The following NCBP3 variants were observed in gnomAD, a reference collection of about 807,000 sequenced individuals.
NCBP3 encodes the protein nuclear cap-binding protein subunit 3.
Under a neutral mutation model 75.7 loss-of-function variants are expected in NCBP3, and 20 were observed. The observed-to-expected ratio is 0.26, with a 90% confidence interval of 0.19 to 0.38. NCBP3 has a LOEUF of 0.38. Ranked by LOEUF, NCBP3 falls within the 10% of genes least tolerant of loss-of-function variation. NCBP3 has a pLI of 1.00. For missense variants in NCBP3, 678 were observed against 796.9 expected (o/e 0.85, Z 1.80); for synonymous variants, 293 against 290.5 (o/e 1.01, Z -0.09).
At chr17:3,829,191 C>T in intron 4 of NCBP3, 52 bp downstream of exon 4, 1 of 1,543,842 alleles carries the variant, frequency 6.5e-7, no homozygotes, top group Non-Finnish European at 8.8e-7. Flanking sequence ...GGCAAGAACT[C>T]TTGAAAAATC....
chr17:3,813,967 A>T (rs2053475897), intron 12 of NCBP3, among the ~76,000 whole-genome samples: 1 of 152,182 alleles, frequency 6.6e-6, no homozygotes, highest in East Asian at 1.9e-4. Flanking sequence ...GCCTGGCCTA[A>T]AAGTTTTATT....
rs574853527 is a variant in NCBP3, at chr17:3,837,921, G to A, written c.355+2179C>T. Among the ~76,000 whole-genome samples, 6 of 151,896 alleles carry A rather than the reference G, an allele frequency of 4.0e-5. No homozygotes were observed. In the South Asian group the frequency reaches 6.2e-4, roughly 16 times the overall value. ...CAAGCTTCCCCAGCTGACATCCCACGGCCGACCTTACTGCCTTTTTTAGGA... is the reference window on the plus strand; with the variant it reads ...CAAGCTTCCCCAGCTGACATCCCACAGCCGACCTTACTGCCTTTTTTAGGA... On this transcript the variant is annotated intron_variant, in intron 3 of 12. Transcript: ENST00000389005.
rs556677261 is a variant in NCBP3 at position 3,821,914 on chromosome 17, A to C, written c.896+39T>G. On this transcript the variant is annotated intron_variant, in intron 8 of 12. Transcript: ENST00000389005. ...GGAATACCAACTGAAGGATTAAGAA[A>C]AACTCAAATACTATTGCATTTGAAG... 24 of 1,352,432 alleles carry C rather than the reference A, an allele frequency of 1.8e-5. No homozygotes were observed. In the East Asian group the frequency reaches 5.3e-4, roughly 30 times the overall value. The allele number at this position is 1,352,432 out of a possible 1,614,324, so 83.8% of individuals were successfully genotyped here. A position where few individuals can be genotyped will look rare whatever the true frequency, so the allele number is the denominator to read the frequency against.
Position 3,813,039 on chromosome 17 carries a change from G to A in NCBP3, c.*5C>T, listed in dbSNP as rs778338110. 2 of 1,614,094 alleles carry A rather than the reference G, an allele frequency of 1.2e-6. No homozygotes were observed. The highest frequency in any genetic ancestry group is 1.7e-4 in the Middle Eastern group (1 of 6,060). ...TTAGGGCAGCTGCCATAGGCCCCAG[G>A]GGCATCAGGACTCTGCCTCTGAACC... On this transcript the variant is annotated 3_prime_UTR_variant, in exon 13 of 13. Coordinates refer to ENST00000389005, the MANE Select transcript of NCBP3 (RefSeq NM_001114118.3).
chr17:3,840,010 C>G, intron 3 of NCBP3, 90 bp downstream of exon 3: 1 of 996,094 alleles, frequency 1.0e-6, no homozygotes, highest in African/African-American at 1.6e-5. Flanking sequence ...GGAGTGGACA[C>G]GCAAGGCAAG....
At position 3,818,891 on chromosome 17, in the gene NCBP3, A is replaced by G. The variant is rs2053606006; in HGVS notation, c.1001-319T>C. Among the ~76,000 whole-genome samples the G allele has an allele frequency of 6.6e-6, 1 of 152,222 alleles. No homozygotes were observed. Among genetic ancestry groups the G allele is most frequent in the South Asian group, 2.1e-4 (1 of 4,834 alleles). The stretch of plus-strand genomic sequence containing the variant: ...CAAAATGAATACGTGCAATGCTTCC[A>G]TGGTCATTTGCTGGCACGCACAGAG... On this transcript the variant is annotated intron_variant, in intron 9 of 12. Coordinates refer to ENST00000389005, the MANE Select transcript of NCBP3 (RefSeq NM_001114118.3). This position sits in a 1 kb window ranked among gnomAD's most constrained non-coding sequence, Gnocchi z 4.7.
intron 3 of NCBP3, among the ~76,000 whole-genome samples, chr17:3,834,045 T>A (rs2053932876): frequency 6.6e-6 from 1 of 152,136 alleles, no homozygotes; most frequent in Non-Finnish European, 1.5e-5. Context: ...TTATCCGCAT[T>A]TAGGCCTCTG....
chr17:3,829,255 C>A lies in NCBP3; in HGVS notation c.469G>T (p.Asp157Tyr). ...CGGGTGTACTTACAGGAGGTATCAT[C>A]CAACCATTCGATGTGAGCTGGAGGA... ...EYPPAHIEWL[D>Y]DTSCNVVWLD... The change falls in exon 4 of 13, where the codon GAT (aspartate) becomes TAT (tyrosine). Residue 157 changes from aspartate to tyrosine, a missense_variant. Physicochemically the swap from Asp to Tyr is radical, Grantham distance 160. Around this residue, in one of 7 missense-constraint regions of NCBP3, gnomAD observed 15 missense variants for 45.5 expected, o/e 0.33. Coordinates refer to ENST00000389005, the MANE Select transcript of NCBP3 (RefSeq NM_001114118.3). 6.4e-7 allele frequency: 1 copy of A among 1,551,618 alleles called. No individual in the cohort carries two copies. Among genetic ancestry groups the A allele is most frequent in the Non-Finnish European group, 8.7e-7 (1 of 1,146,962 alleles).
intron 9 of NCBP3, among the ~76,000 whole-genome samples, chr17:3,820,697 C>A (rs1433344018): frequency 6.6e-6 from 1 of 152,158 alleles, no homozygotes; most frequent in African/African-American, 2.4e-5. Context: ...CTCTGGGAGG[C>A]CAAAGTGGGT....
At chr17:3,835,238 T>C (rs563550380) in intron 3 of NCBP3, among the ~76,000 whole-genome samples, 2 of 152,314 alleles carry the variant, frequency 1.3e-5, no homozygotes, top group African/African-American at 4.8e-5. Flanking sequence ...CTCAAGTACA[T>C]GATGAGAAAG....
intron 10 of NCBP3, among the ~76,000 whole-genome samples, chr17:3,817,849 T>A (rs535270175): frequency 7.0e-6 from 1 of 143,336 alleles, no homozygotes; most frequent in East Asian, 1.9e-4. Flanking sequence ...TTGAAAAAAA[T>A]AATGTCTACA....
At chr17:3,842,182 C>T (rs189876323) in intron 2 of NCBP3, among the ~76,000 whole-genome samples, 25 of 152,238 alleles carry the variant, frequency 1.6e-4, no homozygotes, top group Admixed American at 1.6e-3. Flanking sequence ...CCCAGCACTT[C>T]GGGAGGCTGA....
At chr17:3,837,908 G>A (rs1221454672) in intron 3 of NCBP3, among the ~76,000 whole-genome samples, 4 of 151,898 alleles carry the variant, frequency 2.6e-5, no homozygotes, top group Non-Finnish European at 5.9e-5. Context: ...AGCTTCCCCA[G>A]CTGACATCCC....
intron 4 of NCBP3, among the ~76,000 whole-genome samples, chr17:3,827,043 C>T (rs538369848): frequency 1.2e-4 from 15 of 122,884 alleles, no homozygotes; most frequent in African/African-American, 3.5e-4. Context: ...CAGAATGGAA[C>T]GGAACGGAAA....
At position 3,808,467 on chromosome 17, in the gene NCBP3, T is replaced by G. The variant is rs1357290764; in HGVS notation, c.*4577A>C. The G allele has an allele frequency of 6.6e-6, 1 of 152,142 alleles. No individual in the cohort carries two copies. The allele number at this position is 152,142 out of a possible 1,614,324, so 9.4% of individuals were successfully genotyped here. ...GTAGCCTATACCCTGGCTCTGGAAG[T>G]TGGGGACTGCCTCCTAGAAGGGCCC... On this transcript the variant is annotated 3_prime_UTR_variant, in exon 13 of 13. Coordinates refer to ENST00000389005, the MANE Select transcript of NCBP3 (RefSeq NM_001114118.3).
In NCBP3 at chr17:3,810,323, G is replaced by A. The variant is rs951330717; in HGVS notation, c.*2721C>T. 10 of 152,216 alleles carry A rather than the reference G, an allele frequency of 6.6e-5. No individual in the cohort carries two copies. The highest frequency in any genetic ancestry group is 4.4e-5 in the Non-Finnish European group (3 of 68,072). The allele number at this position is 152,216 out of a possible 1,614,324, so 9.4% of individuals were successfully genotyped here. A position where few individuals can be genotyped will look rare whatever the true frequency, so the allele number is the denominator to read the frequency against. On this transcript the variant is annotated 3_prime_UTR_variant, in exon 13 of 13. Coordinates refer to ENST00000389005, the MANE Select transcript of NCBP3 (RefSeq NM_001114118.3). ...GGATCAGACTACAAGGGGGCCAGAG[G>A]AGGAGACTACATCCTGAGGACGCCA...
In NCBP3 at chr17:3,805,402, T is replaced by C. The variant is rs926194074; in HGVS notation, c.*7642A>G. The C allele has an allele frequency of 1.3e-5, 2 of 152,234 alleles. No homozygotes were observed. The highest frequency in any genetic ancestry group is 2.9e-5 in the Non-Finnish European group (2 of 68,058). The allele number at this position is 152,234 out of a possible 1,614,324, so 9.4% of individuals were successfully genotyped here. A position where few individuals can be genotyped will look rare whatever the true frequency, so the allele number is the denominator to read the frequency against. On this transcript the variant is annotated 3_prime_UTR_variant, in exon 13 of 13. Coordinates refer to ENST00000389005, the MANE Select transcript of NCBP3 (RefSeq NM_001114118.3). The stretch of plus-strand genomic sequence containing the variant: ...TTGAAGCCCTAACCCCCAATGTGGC[T>C]CTTCTTGGACATATGGCTTTTAGGA...
chr17:3,829,108 T>C (rs975898821), intron 4 of NCBP3, 135 bp downstream of exon 4: 3 of 979,128 alleles, frequency 3.1e-6, no homozygotes, highest in Non-Finnish European at 4.4e-6. Flanking sequence ...CGACAATTTT[T>C]TCTCTCCTGG....
rs537615937 is a variant in NCBP3 at position 3,844,946 on chromosome 17, A to G, written c.183+1095T>C. Among the ~76,000 whole-genome samples, 4 of 152,310 alleles carry G rather than the reference A, an allele frequency of 2.6e-5. No homozygotes were observed. The East Asian group carries it at 7.7e-4, about 29-fold the overall frequency. The stretch of plus-strand genomic sequence containing the variant: ...CGAACTCCGTCTCAAAACAAAACAA[A>G]ACAAAAACCATGTTGAACTGAATGA... On this transcript the variant is annotated intron_variant, in intron 1 of 12. Coordinates refer to ENST00000389005, the MANE Select transcript of NCBP3 (RefSeq NM_001114118.3).
Sources: allele counts gnomAD v4.1 joint callset (sites outside exome capture counted in the v4.1 genomes callset), GRCh38; gene constraint gnomAD v4.1.1; regional missense constraint gnomAD v4.1.1; non-coding constraint Gnocchi (gnomAD v3.1); transcripts MANE v1.5; gene names NCBI Gene and HGNC (gene_info 2026-07-23, HGNC 2026-07-21).